The following PDE10A variants were observed in gnomAD, a reference collection of about 807,000 sequenced individuals.
PDE10A encodes phosphodiesterase 10A.
In PDE10A, 39 loss-of-function variants were observed where a neutral mutation model predicts 97.7. That is an observed-to-expected ratio of 0.40 (90% CI 0.31 to 0.52). The LOEUF (loss-of-function observed/expected upper bound fraction) is 0.52. PDE10A is among the 20% of genes least tolerant of loss of function. The pLI is 0.56. For synonymous variants in PDE10A, 371 were observed against 376.8 expected, an observed-to-expected ratio of 0.98 and a Z score of 0.18; for missense variants, 731 against 1,047.8, an observed-to-expected ratio of 0.70 and a Z score of 4.17.
At chr6:165,532,421 A>G (rs192452691) in intron 2 of PDE10A, among the ~76,000 whole-genome samples, 235 of 152,066 alleles carry the variant, frequency 1.5e-3, no homozygotes, top group African/African-American at 5.3e-3. Context: ...ATAGTAAGCA[A>G]CTAATTAGAC....
At chr6:165,694,063 A>G (rs932375511) in intron 1 of PDE10A, among the ~76,000 whole-genome samples, 3 of 152,252 alleles carry the variant, frequency 2.0e-5, no homozygotes, top group Non-Finnish European at 4.4e-5. Flanking sequence ...CTCAACACTT[A>G]TGTGCAAAAA....
At chr6:165,862,455 G>A (rs1780930860) in intron 1 of PDE10A, among the ~76,000 whole-genome samples, 1 of 152,174 alleles carries the variant, frequency 6.6e-6, no homozygotes, top group Non-Finnish European at 1.5e-5. Context: ...TTAAGAGACT[G>A]TGGATGCCGT....
intron 1 of PDE10A, among the ~76,000 whole-genome samples, chr6:165,773,875 C>T (rs945093407): frequency 3.3e-5 from 5 of 152,008 alleles, no homozygotes; most frequent in Non-Finnish European, 5.9e-5. Context: ...AGCCCTGAAC[C>T]CTGAAAATCG....
rs1781288757 is a variant in PDE10A, at chr6:165,330,636, A to T, written c.*2389T>A. 1 of 152,194 alleles carries T rather than the reference A, an allele frequency of 6.6e-6. No homozygotes were observed. 9.4% of individuals were successfully genotyped at this position (152,194 alleles called of 1,614,324 possible). On this transcript the variant is annotated 3_prime_UTR_variant, in exon 22 of 22. Transcript: ENST00000539869. ...CACATTCCTTTGGGAAACTGTTCTA[A>T]ATAGAGATTACATAATACACTTGAC...
At chr6:165,832,125 T>C (rs1456848054) in intron 1 of PDE10A, among the ~76,000 whole-genome samples, 1 of 152,178 alleles carries the variant, frequency 6.6e-6, no homozygotes, top group Non-Finnish European at 1.5e-5. Context: ...AAGTCTCTAG[T>C]ATTTTGTTTT....
chr6:165,662,229 A>G lies in PDE10A; in HGVS notation c.583T>C (p.Phe195Leu). Residue 195 changes from phenylalanine to leucine, a missense_variant, in exon 1 of 22, where the codon TTC (phenylalanine) becomes CTC (leucine). Phe to Leu is a conservative substitution (Grantham distance 22, BLOSUM62 0). Transcript: ENST00000539869. ...AAGCCCTGGAGCGCAGGCGAGAGGA[A>G]GAGCCGCCGCCGCCCGCCGCCGCTG... ...GGSGGGRRRL[F>L]LSPALQGLLL... 1 of 182,654 alleles carries G rather than the reference A, an allele frequency of 5.5e-6. No homozygotes were observed. The highest frequency in any genetic ancestry group is 1.0e-5 in the Non-Finnish European group (1 of 96,318). 11.3% of individuals were successfully genotyped at this position (182,654 alleles called of 1,614,324 possible).
chr6:165,904,789 A>T (rs1267313572), intron 1 of PDE10A, among the ~76,000 whole-genome samples: 1 of 152,164 alleles, frequency 6.6e-6, no homozygotes, highest in East Asian at 1.9e-4. Flanking sequence ...ATAACCATGG[A>T]ATCTTACTCA....
At chr6:165,438,979 T>C (rs998935149) in intron 5 of PDE10A, among the ~76,000 whole-genome samples, 5 of 149,652 alleles carry the variant, frequency 3.3e-5, no homozygotes, top group African/African-American at 7.4e-5. Context: ...AAAAAAGATA[T>C]ATACTTTGCA....
At chr6:165,463,139 A>G (rs1371903095) in intron 3 of PDE10A, among the ~76,000 whole-genome samples, 1 of 152,232 alleles carries the variant, frequency 6.6e-6, no homozygotes, top group Non-Finnish European at 1.5e-5. Context: ...CCACAGCCAC[A>G]CTACGTTCAG....
intron 1 of PDE10A, among the ~76,000 whole-genome samples, chr6:165,737,513 G>A (rs1053550937): frequency 2.0e-5 from 3 of 152,106 alleles, no homozygotes; most frequent in Non-Finnish European, 4.4e-5. Flanking sequence ...ATCCATAAAG[G>A]TGATATACTA....
chr6:165,981,631 G>C lies in PDE10A; in HGVS notation c.-615+5898C>G, dbSNP rs192611861. ...AAAGTCCCCTCCTTCACCTTCTTTG[G>C]CCCACTGGATGGTAATGGCCTTTCT... On this transcript the variant is annotated intron_variant, in intron 1 of 19. Transcript: ENST00000366882. Among the ~76,000 whole-genome samples, 44 of 152,212 alleles carry C rather than the reference G, an allele frequency of 2.9e-4. No homozygotes were observed. In the East Asian group the frequency reaches 6.8e-3, roughly 23 times the overall value.
chr6:165,642,825 G>T (rs573125106), intron 1 of PDE10A, among the ~76,000 whole-genome samples: 1 of 152,312 alleles, frequency 6.6e-6, no homozygotes, highest in Non-Finnish European at 1.5e-5. Context: ...GCCAAAGAAC[G>T]TGCGTCCCAT....
At chr6:165,447,480 T>A (rs1228719302) in intron 5 of PDE10A, among the ~76,000 whole-genome samples, 1 of 152,240 alleles carries the variant, frequency 6.6e-6, no homozygotes, top group Non-Finnish European at 1.5e-5. Context: ...ACTGGGGGGC[T>A]GCTGGAGGCG....
At chr6:165,717,519 G>A (rs1792054378) in intron 1 of PDE10A, among the ~76,000 whole-genome samples, 1 of 151,902 alleles carries the variant, frequency 6.6e-6, no homozygotes, top group African/African-American at 2.4e-5. Flanking sequence ...GGGAGGCGGA[G>A]GTTGTAGTGA....
At chr6:165,918,135 T>C (rs1370586911) in intron 1 of PDE10A, among the ~76,000 whole-genome samples, 1 of 152,216 alleles carries the variant, frequency 6.6e-6, no homozygotes, top group South Asian at 2.1e-4. Context: ...AATGGTCTCA[T>C]GTGTAGAATT....
chr6:165,834,402 C>T (rs543565191), intron 1 of PDE10A, among the ~76,000 whole-genome samples: 27 of 152,326 alleles, frequency 1.8e-4, no homozygotes, highest in Non-Finnish European at 3.2e-4. Context: ...CTGGGGGTGA[C>T]GCTGGCTAGT....
Position 165,661,950 on chromosome 6 carries a change from G to A in PDE10A, c.862C>T (p.Pro288Ser), listed in dbSNP as rs1202523257. The A allele has an allele frequency of 1.9e-6, 2 of 1,035,790 alleles. No homozygotes were observed. The highest frequency in any genetic ancestry group is 4.1e-5 in the Admixed American group (2 of 49,318). The allele number at this position is 1,035,790 out of a possible 1,614,324, so 64.2% of individuals were successfully genotyped here. ...FRRLTECFLS[P>S]SLTDEKVKAY... is the part of the protein sequence containing the mutation. Reference sequence around the variant, plus strand: ...GAACGGGGAGCAGGCCACTTACTGGGGCTCAGGAAGCACTCGGTCAGCCTT... The same window carrying A: ...GAACGGGGAGCAGGCCACTTACTGGAGCTCAGGAAGCACTCGGTCAGCCTT... Residue 288 changes from proline to serine, a missense_variant, in exon 1 of 22, where the codon CCC (proline) becomes TCC (serine). Coordinates refer to ENST00000539869, the MANE Select transcript of PDE10A (RefSeq NM_001385079.1). This position sits in a 1 kb window ranked among gnomAD's most constrained non-coding sequence, Gnocchi z 4.8.
chr6:165,814,896 G>C (rs1779369721), intron 1 of PDE10A, among the ~76,000 whole-genome samples: 2 of 152,142 alleles, frequency 1.3e-5, no homozygotes, highest in Non-Finnish European at 2.9e-5. Flanking sequence ...TCTGGCATCA[G>C]ATGGGAATTG....
intron 1 of PDE10A, among the ~76,000 whole-genome samples, chr6:165,970,360 A>G (rs1162174499): frequency 6.6e-6 from 1 of 152,164 alleles, no homozygotes; most frequent in Non-Finnish European, 1.5e-5. Flanking sequence ...TATTTTCCTG[A>G]TTTTGGTAGT....
Sources: allele counts gnomAD v4.1 joint callset (sites outside exome capture counted in the v4.1 genomes callset), GRCh38; gene constraint gnomAD v4.1.1; non-coding constraint Gnocchi (gnomAD v3.1); transcripts MANE v1.5; gene names NCBI Gene and HGNC (gene_info 2026-07-23, HGNC 2026-07-21).